The following CREB3L2 variants were observed in gnomAD, a reference collection of about 807,000 sequenced individuals.
CREB3L2 encodes the protein cAMP responsive element binding protein 3 like 2, also known as cyclic AMP-responsive element-binding protein 3-like protein 2.
CREB3L2 carries 23 observed loss-of-function variants against 57.2 expected under a neutral mutation model. The ratio of observed to expected loss-of-function variants is 0.40; its 90% CI spans 0.29 to 0.57. The LOEUF is 0.57. Ranked by LOEUF, CREB3L2 falls within the 20% of genes least tolerant of loss-of-function variation. CREB3L2 has a pLI of 0.42. For missense variants in CREB3L2, 628 were observed against 634.7 expected, an observed-to-expected ratio of 0.99 and a Z score of 0.11; for synonymous variants, 268 against 265.1, an observed-to-expected ratio of 1.01 and a Z score of -0.11.
chr7:137,903,857 G>T, intron 7 of CREB3L2, 102 bp downstream of exon 7: 1 of 984,932 alleles, frequency 1.0e-6, no homozygotes, highest in Non-Finnish European at 1.6e-6. Flanking sequence ...TTTCCAAGGT[G>T]GCCAGAAAGA....
intron 1 of CREB3L2, among the ~76,000 whole-genome samples, chr7:137,959,031 T>C (rs1267795296): frequency 2.0e-5 from 3 of 152,234 alleles, no homozygotes; most frequent in Admixed American, 6.5e-5. Flanking sequence ...TGTATGTCTG[T>C]CTCATGTCTG....
intron 3 of CREB3L2, among the ~76,000 whole-genome samples, chr7:137,914,397 T>A (rs1454339165): frequency 6.6e-6 from 1 of 152,206 alleles, no homozygotes; most frequent in East Asian, 1.9e-4. Context: ...TTTGGGACGC[T>A]GAGGTGGGCG....
chr7:137,965,652 T>A lies in CREB3L2; in HGVS notation c.102+35952A>T, dbSNP rs1373394078. ...ACAGCCCATGTTATAAGCAAGGACA[T>A]AGAAAGCCCTAGGTTCTCCAGCCAA... On this transcript the variant is annotated intron_variant, in intron 1 of 11. Coordinates refer to ENST00000330387, the MANE Select transcript of CREB3L2 (RefSeq NM_194071.4). Among the ~76,000 whole-genome samples the A allele has an allele frequency of 2.0e-5, 3 of 152,148 alleles. No homozygotes were observed. In the South Asian group the frequency reaches 6.2e-4, roughly 31 times the overall value.
In CREB3L2 at chr7:137,883,691, A is replaced by G. The variant is rs151255420; in HGVS notation, c.1271-1063T>C. 2.0e-5 allele frequency among the ~76,000 whole-genome samples: 3 copies of G among 151,816 alleles called. No individual in the cohort carries two copies. The East Asian group carries it at 5.8e-4, about 29-fold the overall frequency. The stretch of plus-strand genomic sequence containing the variant: ...TGGTGGTGTACTCAGCTATTTTCAG[A>G]TAACTGCAGGTATTTTTATTGGCTG... On this transcript the variant is annotated intron_variant, in intron 10 of 11. Coordinates refer to ENST00000330387, the MANE Select transcript of CREB3L2 (RefSeq NM_194071.4).
At chr7:137,936,453 G>A (rs534611202) in intron 1 of CREB3L2, among the ~76,000 whole-genome samples, 4 of 152,292 alleles carry the variant, frequency 2.6e-5, no homozygotes, top group East Asian at 3.9e-4. Flanking sequence ...GTGTGTGTGC[G>A]TGTGTGCATG....
At position 137,885,419 on chromosome 7, in the gene CREB3L2, G is replaced by A. The variant is rs1366971080; in HGVS notation, c.1127C>T (p.Thr376Ile). ...GAAGCTCACCATGAGGCAGGTGCCA[G>A]TCTGCGTGCCAGCTAACTTGCAGGT... ...SRTCKLAGTQ[T>I]GTCLMVVVLC... Residue 376 changes from threonine (T) to isoleucine (I), a missense_variant, in exon 9 of 12, where the codon ACT (threonine) becomes ATT (isoleucine). Physicochemically the swap from Thr to Ile is moderately conservative, Grantham distance 89. Around this residue, in one of 3 missense-constraint regions of CREB3L2, gnomAD observed 272 missense variants for 242.7 expected, o/e 1.12. Transcript: ENST00000330387. 6.2e-7 allele frequency: 1 copy of A among 1,614,074 alleles called. No individual in the cohort carries two copies. Among genetic ancestry groups the A allele is most frequent in the Non-Finnish European group, 8.5e-7 (1 of 1,179,920 alleles).
At chr7:137,997,283 G>A (rs1411477218) in intron 1 of CREB3L2, among the ~76,000 whole-genome samples, 1 of 152,194 alleles carries the variant, frequency 6.6e-6, no homozygotes, top group Non-Finnish European at 1.5e-5. Context: ...GGTATAGTGT[G>A]TAGACATGCT....
At chr7:137,885,928 A>C (rs1361305793) in intron 8 of CREB3L2, among the ~76,000 whole-genome samples, 1 of 152,216 alleles carries the variant, frequency 6.6e-6, no homozygotes, top group Non-Finnish European at 1.5e-5. Context: ...CACCTTTGGG[A>C]GATGATTAAG....
In CREB3L2 at chr7:137,878,089, G is replaced by A. The variant is rs1007186464; in HGVS notation, c.*2387C>T. On this transcript the variant is annotated 3_prime_UTR_variant, in exon 12 of 12. Transcript: ENST00000330387. ...TACATAGATTCCGTTTTGGAAGGAT[G>A]GTTTCCCAGAGAAAGAGTCCTGCTG... The A allele has an allele frequency of 4.3e-6, 1 of 230,276 alleles. No individual in the cohort carries two copies. The allele number at this position is 230,276 out of a possible 1,614,324, so 14.3% of individuals were successfully genotyped here. A position where few individuals can be genotyped will look rare whatever the true frequency, so the allele number is the denominator to read the frequency against.
rs147545797 is a variant in CREB3L2, at chr7:138,001,614, A to T, written c.92T>A (p.Met31Lys). 4.0e-5 allele frequency: 65 copies of T among 1,612,806 alleles called. 1 individual carries two copies. In the African/African-American group the frequency reaches 5.3e-4, roughly 13 times the overall value. The change falls in exon 1 of 12, where the codon ATG becomes AAG. Residue 31 changes from methionine (M) to lysine (K), a missense_variant. Met to Lys is a moderately conservative substitution (Grantham distance 95, BLOSUM62 -1). Coordinates refer to ENST00000330387, the MANE Select transcript of CREB3L2 (RefSeq NM_194071.4). The surrounding 1 kb of genome is among the most constrained non-coding windows in gnomAD (Gnocchi z 4.2). ...CCGCCGGGTCCTCACCGTGTGGTACATGAGGGCCTCGCCGTCCCCGGGCTC... is the reference window on the plus strand; with the variant it reads ...CCGCCGGGTCCTCACCGTGTGGTACTTGAGGGCCTCGCCGTCCCCGGGCTC... ...LSEPGDGEAL[M>K]YHTHFSELLD...
In CREB3L2 at chr7:137,915,643, C is replaced by T. The variant is rs1176778464; in HGVS notation, c.495+194G>A. On this transcript the variant is annotated intron_variant, in intron 3 of 11. Transcript: ENST00000330387. ...GCTACTAATTTTTTCCGAACAATGG[C>T]TTTAAAGGAAGTTGGCACCAAATCA... is the stretch of plus-strand genomic sequence containing the variant. Among the ~76,000 whole-genome samples, 5 of 152,106 alleles carry T rather than the reference C, an allele frequency of 3.3e-5. No individual in the cohort carries two copies. The East Asian group carries it at 9.6e-4, about 29-fold the overall frequency.
At chr7:137,891,248 C>T (rs890879861) in intron 8 of CREB3L2, among the ~76,000 whole-genome samples, 5 of 152,300 alleles carry the variant, frequency 3.3e-5, no homozygotes, top group African/African-American at 1.2e-4. Context: ...AACCATCACC[C>T]TGTATCTTGG....
At position 137,878,923 on chromosome 7, in the gene CREB3L2, TG is replaced by T; in HGVS notation, c.*1552del. On this transcript the variant is annotated 3_prime_UTR_variant, in exon 12 of 12. Coordinates refer to ENST00000330387, the MANE Select transcript of CREB3L2 (RefSeq NM_194071.4). ...AGATGACGTGTGTGGGGGTGGGTGG[TG>T]GGGGGAGAGAGAGAAGGAGAGACAG... 2 of 355,742 alleles carry T rather than the reference TG, an allele frequency of 5.6e-6. No homozygotes were observed. Among genetic ancestry groups the T allele is most frequent in the Middle Eastern group, 8.4e-4 (1 of 1,194 alleles). 22.0% of individuals were successfully genotyped at this position (355,742 alleles called of 1,614,324 possible). A position where few individuals can be genotyped will look rare whatever the true frequency, so the allele number is the denominator to read the frequency against.
chr7:137,951,615 G>A (rs1376571434), intron 1 of CREB3L2, among the ~76,000 whole-genome samples: 4 of 152,134 alleles, frequency 2.6e-5, no homozygotes, highest in East Asian at 1.9e-4. Flanking sequence ...AATTATTGGC[G>A]AAATGTCTGT....
intron 1 of CREB3L2, among the ~76,000 whole-genome samples, chr7:137,960,810 T>TTTTG (rs370048270): frequency 5.7e-5 from 1 of 17,466 alleles, no homozygotes; most frequent in Non-Finnish European, 1.0e-4. Flanking sequence ...AAATTATTTC[T>TTTTG]TTTTTTTTTT....
chr7:137,884,239 C>G (rs1159830411), intron 10 of CREB3L2: 1 of 149,678 alleles, frequency 6.7e-6, no homozygotes, highest in Non-Finnish European at 1.5e-5. Flanking sequence ...AACTCCTCAC[C>G]TTGCTGATTC....
intron 1 of CREB3L2, among the ~76,000 whole-genome samples, chr7:137,940,660 T>C (rs897020568): frequency 6.6e-6 from 1 of 152,208 alleles, no homozygotes; most frequent in African/African-American, 2.4e-5. Context: ...ACGTGCATGT[T>C]GCAATGGAAC....
At chr7:137,935,618 C>A (rs1434214066) in intron 1 of CREB3L2, among the ~76,000 whole-genome samples, 1 of 152,204 alleles carries the variant, frequency 6.6e-6, no homozygotes, top group Non-Finnish European at 1.5e-5. Context: ...CCACCCCTCT[C>A]TCTGGACCTA....
chr7:137,989,921 A>C (rs539476908), intron 1 of CREB3L2, among the ~76,000 whole-genome samples: 122 of 150,994 alleles, frequency 8.1e-4, no homozygotes, highest in African/African-American at 2.8e-3. Flanking sequence ...GAATTCATCT[A>C]CTCCTCCCTG....
Sources: gnomAD v4.1 joint callset for allele counts (sites outside exome capture counted in the v4.1 genomes callset) on GRCh38, gnomAD v4.1.1 for gene constraint, gnomAD v4.1.1 regional missense constraint, Gnocchi (gnomAD v3.1) non-coding constraint, MANE v1.5 for transcripts, NCBI Gene and HGNC (gene_info 2026-07-23, HGNC 2026-07-21) for gene names.